CCSER1: variants seen among roughly 807,000 people sequenced by gnomAD.
CCSER1 encodes serine-rich coiled-coil domain-containing protein 1.
Under a neutral mutation model 82.0 loss-of-function variants are expected in CCSER1, and 41 were observed. The ratio of observed to expected loss-of-function variants is 0.50; its 90% CI spans 0.39 to 0.65. The LOEUF (loss-of-function observed/expected upper bound fraction) is 0.65. Ranked by LOEUF, CCSER1 falls within the 30% of genes least tolerant of loss-of-function variation. CCSER1 has a pLI of 0.00. For missense variants in CCSER1, 1,119 were observed against 1,064.2 expected (o/e 1.05, Z -0.72); for synonymous variants, 414 against 383.9 (o/e 1.08, Z -0.92).
intron 6 of CCSER1, among the ~76,000 whole-genome samples, chr4:90,657,064 T>C (rs376975154): frequency 1.3e-4 from 20 of 152,224 alleles, no homozygotes; most frequent in Non-Finnish European, 2.4e-4. Flanking sequence ...CATACAGTCA[T>C]CTATCTGGGA....
rs1450938386 is a variant in CCSER1 at position 90,873,462 on chromosome 4, T to A, written c.2095-49908T>A. On this transcript the variant is annotated intron_variant, in intron 8 of 10. Transcript: ENST00000509176. ...GGGAACCATCATTGGAGGGTTCTATTTTACTATCTTGTTCCACCTCCCCAG... is the reference window on the plus strand; with the variant it reads ...GGGAACCATCATTGGAGGGTTCTATATTACTATCTTGTTCCACCTCCCCAG... Among the ~76,000 whole-genome samples the A allele has an allele frequency of 2.0e-5, 3 of 152,106 alleles. No individual in the cohort carries two copies. The East Asian group carries it at 5.8e-4, about 29-fold the overall frequency.
chr4:90,392,289 T>G (rs1419519205), intron 3 of CCSER1, among the ~76,000 whole-genome samples: 1 of 152,016 alleles, frequency 6.6e-6, no homozygotes, highest in Admixed American at 6.6e-5. Flanking sequence ...AAAATGAAAG[T>G]GTTCTGAGTT....
chr4:90,212,712 G>A (rs1363685952), intron 1 of CCSER1, among the ~76,000 whole-genome samples: 1 of 152,206 alleles, frequency 6.6e-6, no homozygotes, highest in African/African-American at 2.4e-5. Context: ...ATAATGCTAA[G>A]GAGAAAATTA....
At chr4:90,998,602 C>T (rs1005844205) in intron 9 of CCSER1, among the ~76,000 whole-genome samples, 1 of 152,172 alleles carries the variant, frequency 6.6e-6, no homozygotes, top group African/African-American at 2.4e-5. Flanking sequence ...AAAATTTATT[C>T]TTAATTGCTC....
rs1367562220 is a variant in CCSER1, at chr4:91,496,712, TCAATATATA to T, written c.2218-101859_2218-101851del. On this transcript the variant is annotated intron_variant, in intron 10 of 10. Coordinates refer to ENST00000509176, the MANE Select transcript of CCSER1 (RefSeq NM_001145065.2). ...ATATATATTCAATATATATATATATTCAATATATAGAATATATATATATATTGAATATAT... is the reference window on the plus strand; with the variant it reads ...ATATATATTCAATATATATATATATTGAATATATATATATATTGAATATAT... Among the ~76,000 whole-genome samples, 20 of 38,004 alleles carry T rather than the reference TCAATATATA, an allele frequency of 5.3e-4. 5 individuals are homozygous for T. Among genetic ancestry groups the T allele is most frequent in the Non-Finnish European group, 8.7e-4 (14 of 16,162 alleles). 24.9% of individuals were successfully genotyped at this position (38,004 alleles called of 152,430 possible).
intron 10 of CCSER1, among the ~76,000 whole-genome samples, chr4:91,305,628 A>C (rs1744999994): frequency 6.6e-6 from 1 of 151,544 alleles, no homozygotes; most frequent in East Asian, 1.9e-4. Context: ...AGACCAATTG[A>C]ATTATTTTCT....
chr4:91,423,087 A>G (rs1243946436), intron 10 of CCSER1, among the ~76,000 whole-genome samples: 1 of 152,128 alleles, frequency 6.6e-6, no homozygotes, highest in African/African-American at 2.4e-5. Flanking sequence ...TTTTTATTTC[A>G]TTAGAAAAAC....
At chr4:90,874,736 A>G (rs781607373) in intron 8 of CCSER1, among the ~76,000 whole-genome samples, 3 of 152,062 alleles carry the variant, frequency 2.0e-5, no homozygotes, top group Admixed American at 1.3e-4. Flanking sequence ...TAATTTAGAA[A>G]ACCCAATGCC....
intron 9 of CCSER1, among the ~76,000 whole-genome samples, chr4:91,067,643 C>T (rs1297266678): frequency 4.6e-5 from 7 of 152,134 alleles, no homozygotes; most frequent in Admixed American, 4.6e-4. Context: ...CTGCACCCAC[C>T]CCATCCTTCT....
At chr4:90,991,004 C>A (rs1381298) in intron 9 of CCSER1, among the ~76,000 whole-genome samples, 144,979 of 151,968 alleles carry the variant, frequency 0.95, 69,221 homozygotes, top group African/African-American at 0.98. Context: ...CCAAGCTTAC[C>A]CTTTCAAAGA....
intron 10 of CCSER1, among the ~76,000 whole-genome samples, chr4:91,174,371 A>T (rs1733083346): frequency 1.3e-5 from 2 of 152,136 alleles, no homozygotes; most frequent in Admixed American, 1.3e-4. Context: ...AGATTTCTTG[A>T]TGCAAGAGTA....
At chr4:90,161,591 G>GA (rs1205893788) in intron 1 of CCSER1, among the ~76,000 whole-genome samples, 4 of 151,756 alleles carry the variant, frequency 2.6e-5, no homozygotes, top group Non-Finnish European at 5.9e-5. Context: ...AATAATTATA[G>GA]AAAATAACTC....
intron 10 of CCSER1, among the ~76,000 whole-genome samples, chr4:91,409,669 C>T (rs547903744): frequency 8.5e-4 from 130 of 152,114 alleles, no homozygotes; most frequent in African/African-American, 3.0e-3. Flanking sequence ...GTAAAAAATA[C>T]TAATTTCTTT....
chr4:90,302,180 A>T (rs185580124), intron 1 of CCSER1, among the ~76,000 whole-genome samples: 161 of 152,324 alleles, frequency 1.1e-3, no homozygotes, highest in Non-Finnish European at 1.6e-3. Flanking sequence ...ATAGGTACAA[A>T]TTGCGTATTT....
chr4:91,104,514 T>TG (rs70965472), intron 10 of CCSER1, among the ~76,000 whole-genome samples: 15,423 of 152,218 alleles, frequency 0.1, 1,008 homozygotes, highest in East Asian at 0.27. Flanking sequence ...GTTGAAATAT[T>TG]GGGGGTGGGT....
intron 1 of CCSER1, among the ~76,000 whole-genome samples, chr4:90,180,282 A>G (rs1427985805): frequency 6.6e-6 from 1 of 152,016 alleles, no homozygotes; most frequent in African/African-American, 2.4e-5. Context: ...CAACTCTTGA[A>G]ATTAAGAGTA....
At chr4:91,104,866 T>C (rs916479762) in intron 10 of CCSER1, among the ~76,000 whole-genome samples, 2 of 152,196 alleles carry the variant, frequency 1.3e-5, no homozygotes, top group African/African-American at 4.8e-5. Context: ...AATAATCAGA[T>C]AGGATTAGAG....
At chr4:90,380,033 TA>T (rs1164261745) in intron 3 of CCSER1, among the ~76,000 whole-genome samples, 1 of 152,176 alleles carries the variant, frequency 6.6e-6, no homozygotes, top group Non-Finnish European at 1.5e-5. Flanking sequence ...GGGATGGTGC[TA>T]AACTATTCAT....
intron 7 of CCSER1, chr4:90,780,700 G>A (rs1250609121): frequency 2.9e-5 from 38 of 1,312,094 alleles, no homozygotes; most frequent in Non-Finnish European, 3.5e-5. Flanking sequence ...CAAGACAAAC[G>A]GTCAGGAGGC....
Sources: allele counts gnomAD v4.1 joint callset (sites outside exome capture counted in the v4.1 genomes callset), GRCh38; gene constraint gnomAD v4.1.1; transcripts MANE v1.5; gene names NCBI Gene and HGNC (gene_info 2026-07-23, HGNC 2026-07-21).